Variants in CMC1 observed in about 807,000 individuals in gnomAD.
CMC1 encodes COX assembly mitochondrial protein homolog.
CMC1 carries 14 observed loss-of-function variants against 14.1 expected under a neutral mutation model. The ratio of observed to expected loss-of-function variants is 0.99; its 90% CI spans 0.66 to 1.55. The LOEUF (loss-of-function observed/expected upper bound fraction) is 1.55. Among genes scored for constraint, CMC1 ranks in the 40% most tolerant of loss-of-function variants. The pLI, the probability that CMC1 is intolerant of heterozygous loss-of-function variation, is 0.00. For missense variants in CMC1, 127 were observed against 123.8 expected (o/e 1.03, Z -0.12); for synonymous variants, 50 against 38.4 (o/e 1.30, Z -1.12).
chr3:28,291,457 T>G (rs2125548884), intron 2 of CMC1, among the ~76,000 whole-genome samples: 1 of 152,348 alleles, frequency 6.6e-6, no homozygotes, highest in African/African-American at 2.4e-5. Flanking sequence ...ATTTCTTTTA[T>G]GTTTCTAATA....
chr3:28,312,164 T>C (rs1207311184), intron 2 of CMC1, among the ~76,000 whole-genome samples: 1 of 152,238 alleles, frequency 6.6e-6, no homozygotes, highest in African/African-American at 2.4e-5. Flanking sequence ...ACTGTATTGG[T>C]ATCCAAATAT....
rs529830952 is a variant in CMC1 at position 28,308,698 on chromosome 3, C to T, written c.110-7635C>T. Reference sequence around the variant, plus strand: ...TTATGGAATTACTTATAAATGAAATCTACAGGCTGAGCATGGTGGCTTACG... The same window carrying T: ...TTATGGAATTACTTATAAATGAAATTTACAGGCTGAGCATGGTGGCTTACG... On this transcript the variant is annotated intron_variant, in intron 2 of 3. Transcript: ENST00000466830. Among the ~76,000 whole-genome samples the T allele has an allele frequency of 2.0e-5, 3 of 152,116 alleles. No homozygotes were observed. The South Asian group carries it at 6.2e-4, about 31-fold the overall frequency.
At chr3:28,276,307 G>T (rs1236774923) in intron 2 of CMC1, among the ~76,000 whole-genome samples, 1 of 152,052 alleles carries the variant, frequency 6.6e-6, no homozygotes, top group Non-Finnish European at 1.5e-5. Context: ...TGTCAGGATG[G>T]ATGAATATAG....
At chr3:28,283,728 C>T (rs1701031984) in intron 2 of CMC1, among the ~76,000 whole-genome samples, 1 of 152,198 alleles carries the variant, frequency 6.6e-6, no homozygotes, top group East Asian at 1.9e-4. Flanking sequence ...TGACGGAATA[C>T]CCTGGCTTTA....
At chr3:28,273,520 A>G (rs541779987) in intron 2 of CMC1, among the ~76,000 whole-genome samples, 2 of 152,264 alleles carry the variant, frequency 1.3e-5, no homozygotes, top group African/African-American at 2.4e-5. Context: ...TTACTTCCCA[A>G]TTACGTGGTA....
Sources: gnomAD v4.1 joint callset for allele counts (sites outside exome capture counted in the v4.1 genomes callset) on GRCh38, gnomAD v4.1.1 for gene constraint, MANE v1.5 for transcripts, NCBI Gene and HGNC (gene_info 2026-07-23, HGNC 2026-07-21) for gene names.